Variants in TBR1 observed in about 807,000 individuals in gnomAD.
TBR1 encodes the protein T-box brain transcription factor 1, also known as T-box brain protein 1.
A neutral mutation model predicts 60.3 loss-of-function variants in TBR1; 7 were observed. The ratio of observed to expected loss-of-function variants is 0.12; its 90% confidence interval spans 0.07 to 0.22. The LOEUF (loss-of-function observed/expected upper bound fraction) is 0.22, where lower values mean the gene tolerates loss of function less well. Among genes scored for constraint, TBR1 ranks in the 10% least tolerant of loss-of-function variants. The pLI is 1.00. For synonymous variants in TBR1, 417 were observed against 409.9 expected (o/e 1.02, Z -0.21); for missense variants, 616 against 936.8 (o/e 0.66, Z 4.47).
chr2:161,423,071 C>CA, intron 5 of TBR1: 3 of 313,328 alleles, frequency 9.6e-6, no homozygotes, highest in Non-Finnish European at 1.7e-5. Context: ...CTCAGTACCC[C>CA]AGTACACTTG....
At chr2:161,419,702 T>G (rs1684197561) in intron 4 of TBR1, 1 of 152,434 alleles carries the variant, frequency 6.6e-6, no homozygotes, top group Admixed American at 6.5e-5. Context: ...TTTGTTTCTT[T>G]TTTTTACTTA....
At position 161,417,373 on chromosome 2, in the gene TBR1, A is replaced by G. The variant is rs539389193; in HGVS notation, c.692+271A>G. The stretch of plus-strand genomic sequence containing the variant: ...AAGAGCCCTGGCCAGCGGCTGGGCG[A>G]TGGGAGGGACGCATCAACACTGGCA... On this transcript the variant is annotated intron_variant, in intron 1 of 5. Coordinates refer to ENST00000389554, the MANE Select transcript of TBR1 (RefSeq NM_006593.4). This position sits in a 1 kb window ranked among gnomAD's most constrained non-coding sequence, Gnocchi z 5.3. The G allele has an allele frequency of 4.0e-5, 22 of 553,982 alleles. No individual in the cohort carries two copies. Among genetic ancestry groups the G allele is most frequent in the African/African-American group, 4.0e-4 (21 of 53,160 alleles). 34.3% of individuals were successfully genotyped at this position (553,982 alleles called of 1,614,324 possible).
chr2:161,419,205 T>A lies in TBR1; in HGVS notation c.1128+155T>A, dbSNP rs567497176. On this transcript the variant is annotated intron_variant, in intron 4 of 5. Coordinates refer to ENST00000389554, the MANE Select transcript of TBR1 (RefSeq NM_006593.4). Reference sequence around the variant, plus strand: ...GTTTTAAGGCTTAGGGCTCGGGGCCTGCCCACGGCACCTTTCCTAAATACC... The same window carrying A: ...GTTTTAAGGCTTAGGGCTCGGGGCCAGCCCACGGCACCTTTCCTAAATACC... The A allele has an allele frequency of 1.1e-5, 12 of 1,085,170 alleles. No homozygotes were observed. The Admixed American group carries it at 1.2e-4, about 11-fold the overall frequency. 67.2% of individuals were successfully genotyped at this position (1,085,170 alleles called of 1,614,324 possible).
In TBR1 at chr2:161,417,245, A is replaced by C; in HGVS notation, c.692+143A>C. On this transcript the variant is annotated intron_variant, in intron 1 of 5. Transcript: ENST00000389554. The surrounding 1 kb of genome is among the most constrained non-coding windows in gnomAD (Gnocchi z 5.3). ...GAGTTGGCTAGTTTTGGAAAGGGGG[A>C]AAGTGGAAGGGATAACCGCCAGGGT... 8 of 834,018 alleles carry C rather than the reference A, an allele frequency of 9.6e-6. No individual in the cohort carries two copies. The South Asian group carries it at 1.5e-4, about 15-fold the overall frequency. 51.7% of individuals were successfully genotyped at this position (834,018 alleles called of 1,614,324 possible).
Position 161,424,218 on chromosome 2 carries a change from G to A in TBR1, c.2040G>A (p.Ser680=). ...TTAGCGGCTACTATGGCTTCTACTCGCACAGCTAGGCCGCCCCTGCCCGCC... is the reference window on the plus strand; with the variant it reads ...TTAGCGGCTACTATGGCTTCTACTCACACAGCTAGGCCGCCCCTGCCCGCC... The part of the protein sequence containing the change: ...KDISGYYGFY[S]HS The change falls in exon 6 of 6, where the codon TCG becomes TCA. Residue 680 remains serine (S), a synonymous_variant. Transcript: ENST00000389554. This position sits in a 1 kb window ranked among gnomAD's most constrained non-coding sequence, Gnocchi z 4.4. The A allele has an allele frequency of 1.3e-6, 2 of 1,579,202 alleles. No individual in the cohort carries two copies. The highest frequency in any genetic ancestry group is 2.3e-5 in the East Asian group (1 of 43,326).
Position 161,423,796 on chromosome 2 carries a change from G to C in TBR1, c.1618G>C (p.Ala540Pro), listed in dbSNP as rs1307840196. The C allele has an allele frequency of 6.8e-6, 10 of 1,477,538 alleles. No individual in the cohort carries two copies. In the South Asian group the frequency reaches 1.3e-4, roughly 19 times the overall value. The allele number at this position is 1,477,538 out of a possible 1,614,324, so 91.5% of individuals were successfully genotyped here. A position where few individuals can be genotyped will look rare whatever the true frequency, so the allele number is the denominator to read the frequency against. Residue 540 changes from alanine (A) to proline (P), a missense_variant, in exon 6 of 6, where the codon GCC becomes CCC. Ala to Pro is a conservative substitution (Grantham distance 27). Transcript: ENST00000389554. ...CACTGGCCGCCCGCTCGGCTACTAC[G>C]CCGACCCGTCGGGCTGGGGCGCCCG... ...GCTGRPLGYY[A>P]DPSGWGARSP...
At chr2:161,420,345 G>A in intron 5 of TBR1, 88 bp downstream of exon 5, 2 of 984,674 alleles carry the variant, frequency 2.0e-6, no homozygotes, top group Non-Finnish European at 3.0e-6. Flanking sequence ...GATTTTGAAA[G>A]CTGGAATGTG....
chr2:161,424,340 T>G lies in TBR1; in HGVS notation c.*113T>G. On this transcript the variant is annotated 3_prime_UTR_variant, in exon 6 of 6. Transcript: ENST00000389554. The surrounding 1 kb of genome is among the most constrained non-coding windows in gnomAD (Gnocchi z 4.4). The stretch of plus-strand genomic sequence containing the variant: ...TCCTTGCGCACCCACTCATTTTATT[T>G]GACCCTCGATGGCCGTCTGCAGCGA... The G allele has an allele frequency of 8.3e-7, 1 of 1,200,008 alleles. No homozygotes were observed. Among genetic ancestry groups the G allele is most frequent in the South Asian group, 1.6e-5 (1 of 63,540 alleles). 74.3% of individuals were successfully genotyped at this position (1,200,008 alleles called of 1,614,324 possible).
Position 161,424,749 on chromosome 2 carries a change from C to G in TBR1, c.*522C>G, listed in dbSNP as rs188986415. On this transcript the variant is annotated 3_prime_UTR_variant, in exon 6 of 6. Transcript: ENST00000389554. The surrounding 1 kb of genome is among the most constrained non-coding windows in gnomAD (Gnocchi z 4.4). ...TGTTAATAATTTTAGTGGAACAAAG[C>G]CTGTGAAATGATTGTACATAGTGTT... 4.3e-3 allele frequency: 663 copies of G among 153,508 alleles called. 5 individuals are homozygous for G. Among genetic ancestry groups the G allele is most frequent in the Middle Eastern group, 0.013 (4 of 298 alleles). The allele number at this position is 153,508 out of a possible 1,614,324, so 9.5% of individuals were successfully genotyped here. A position where few individuals can be genotyped will look rare whatever the true frequency, so the allele number is the denominator to read the frequency against.
Position 161,424,023 on chromosome 2 carries a change from C to G in TBR1, c.1845C>G (p.Ile615Met). 1 of 1,589,042 alleles carries G rather than the reference C, an allele frequency of 6.3e-7. No individual in the cohort carries two copies. ...AGGACCTGTCCGATTCCAGCTGGAT[C>G]GAGACGCCCTCCTCGATCAAGTCCA... ...KPKDLSDSSW[I>M]ETPSSIKSID... The change falls in exon 6 of 6, where the codon ATC becomes ATG. Residue 615 changes from isoleucine (I) to methionine (M), a missense_variant. This residue lies in a region of TBR1 where 210 missense variants were observed against 297.4 expected (regional missense o/e 0.71). Transcript: ENST00000389554. The surrounding 1 kb of genome is among the most constrained non-coding windows in gnomAD (Gnocchi z 4.4).
At chr2:161,418,701 C>A (rs190024780) in intron 3 of TBR1, 191 bp from the exon 4 acceptor site, 1 of 754,440 alleles carries the variant, frequency 1.3e-6, no homozygotes, top group Non-Finnish European at 2.0e-6. Context: ...ATCTTCGCTC[C>A]CAGAGGTGCG....
At position 161,417,788 on chromosome 2, in the gene TBR1, G is replaced by T; in HGVS notation, c.805G>T (p.Gly269Cys). 6.2e-7 allele frequency: 1 copy of T among 1,614,106 alleles called. No individual in the cohort carries two copies. Among genetic ancestry groups the T allele is most frequent in the Non-Finnish European group, 8.5e-7 (1 of 1,180,040 alleles). ...ADPNHWRFQG[G>C]KWVPCGKADT... ...TCCCAATCACTGGAGGTTTCAAGGA[G>T]GCAAATGGGTTCCTTGCGGCAAAGC... The change falls in exon 2 of 6, where the codon GGC becomes TGC. Residue 269 changes from glycine (G) to cysteine (C), a missense_variant. By Grantham distance (159) the Gly-to-Cys change is radical. Coordinates refer to ENST00000389554, the MANE Select transcript of TBR1 (RefSeq NM_006593.4). This position sits in a 1 kb window ranked among gnomAD's most constrained non-coding sequence, Gnocchi z 5.3.
rs759589272 is a variant in TBR1 at position 161,425,361 on chromosome 2, G to A, written c.*1134G>A. ...TGACTGAATTGTTGGTAACTATAGT[G>A]TAGTCTAGTGAAGATGAATTGTGTG... On this transcript the variant is annotated 3_prime_UTR_variant, in exon 6 of 6. Coordinates refer to ENST00000389554, the MANE Select transcript of TBR1 (RefSeq NM_006593.4). 6 of 152,106 alleles carry A rather than the reference G, an allele frequency of 3.9e-5. No individual in the cohort carries two copies. Among genetic ancestry groups the A allele is most frequent in the Non-Finnish European group, 8.8e-5 (6 of 68,016 alleles). The allele number at this position is 152,106 out of a possible 1,614,324, so 9.4% of individuals were successfully genotyped here. A position where few individuals can be genotyped will look rare whatever the true frequency, so the allele number is the denominator to read the frequency against.
intron 4 of TBR1, 85 bp from the exon 5 acceptor site, chr2:161,420,111 T>G: frequency 8.3e-7 from 1 of 1,203,140 alleles, no homozygotes; most frequent in South Asian, 1.4e-5. Flanking sequence ...CTTAAGCCCC[T>G]GTAAAAGTGG....
Position 161,420,274 on chromosome 2 carries a change from C to G in TBR1, c.1190+17C>G. The G allele has an allele frequency of 6.2e-7, 1 of 1,607,186 alleles. No individual in the cohort carries two copies. Among genetic ancestry groups the G allele is most frequent in the Non-Finnish European group, 8.5e-7 (1 of 1,174,476 alleles). On this transcript the variant is annotated intron_variant, in intron 5 of 5. Coordinates refer to ENST00000389554, the MANE Select transcript of TBR1 (RefSeq NM_006593.4). ...TTATGACACGTAAGTAACTTTGTAT[C>G]TTCCTTTTCAAATAGCTGTGGAATT...
At position 161,420,272 on chromosome 2, in the gene TBR1, A is replaced by G; in HGVS notation, c.1190+15A>G. 1 of 1,608,794 alleles carries G rather than the reference A, an allele frequency of 6.2e-7. No individual in the cohort carries two copies. The highest frequency in any genetic ancestry group is 8.5e-7 in the Non-Finnish European group (1 of 1,175,700). On this transcript the variant is annotated intron_variant, in intron 5 of 5. Transcript: ENST00000389554. ...AATTATGACACGTAAGTAACTTTGT[A>G]TCTTCCTTTTCAAATAGCTGTGGAA...
At chr2:161,418,090 G>GTATGTA in intron 2 of TBR1, 111 bp from the exon 3 acceptor site, 1 of 1,426,154 alleles carries the variant, frequency 7.0e-7, no homozygotes, top group Non-Finnish European at 9.1e-7. Flanking sequence ...GGAGTAAGGT[G>GTATGTA]TGTGTATGTG....
chr2:161,419,942 A>C (rs1559061235), intron 4 of TBR1: 1 of 261,866 alleles, frequency 3.8e-6, no homozygotes, highest in African/African-American at 2.2e-5. Flanking sequence ...AAATTTAGAA[A>C]ACACAGGAGA....
Position 161,425,552 on chromosome 2 carries a change from G to C in TBR1, c.*1325G>C, listed in dbSNP as rs1254911097. ...AGGAGCATTAATCCCCCTGGAAATAGATTAGTAGGATTTCTAATGTTGTGT... is the reference window on the plus strand; with the variant it reads ...AGGAGCATTAATCCCCCTGGAAATACATTAGTAGGATTTCTAATGTTGTGT... On this transcript the variant is annotated 3_prime_UTR_variant, in exon 6 of 6. Coordinates refer to ENST00000389554, the MANE Select transcript of TBR1 (RefSeq NM_006593.4). The C allele has an allele frequency of 1.3e-5, 2 of 152,166 alleles. No homozygotes were observed. Among genetic ancestry groups the C allele is most frequent in the Non-Finnish European group, 1.5e-5 (1 of 68,024 alleles). The allele number at this position is 152,166 out of a possible 1,614,324, so 9.4% of individuals were successfully genotyped here.
Sources: allele counts gnomAD v4.1 joint callset, GRCh38; gene constraint gnomAD v4.1.1; regional missense constraint gnomAD v4.1.1; non-coding constraint Gnocchi (gnomAD v3.1); transcripts MANE v1.5; gene names NCBI Gene and HGNC (gene_info 2026-07-23, HGNC 2026-07-21).